PTCH1: variants seen among roughly 807,000 people sequenced by gnomAD.
The protein encoded by PTCH1 is patched 1.
PTCH1 carries 14 observed loss-of-function variants against 144.6 expected under a neutral mutation model. The observed-to-expected ratio is 0.10, with a 90% confidence interval of 0.06 to 0.15. PTCH1 has a LOEUF of 0.15. Ranked by LOEUF, PTCH1 falls within the 10% of genes least tolerant of loss-of-function variation. The probability of loss-of-function intolerance (pLI) is 1.00; values close to 1 mark genes in which losing one functional copy is unlikely to be tolerated. For synonymous variants in PTCH1, 833 were observed against 793.6 expected, an observed-to-expected ratio of 1.05 and a Z score of -0.83; for missense variants, 1,623 against 1,948.3, an observed-to-expected ratio of 0.83 and a Z score of 3.14.
At chr9:95,506,656 ACGCCCGCTTGCGCGCACC>A in intron 1 of PTCH1, 57 bp from the exon 2 acceptor site, 7 of 1,452,890 alleles carry the variant, frequency 4.8e-6, no homozygotes, top group Non-Finnish European at 6.4e-6. Context: ...CCGCGCGCCC[ACGCCCGCTTGCGCGCACC>A]CGCCCGGTGA....
At chr9:95,469,321 ACCTGGTTCATCG>A (rs1221082200) in intron 13 of PTCH1, 168 bp from the exon 14 acceptor site, 7 of 961,884 alleles carry the variant, frequency 7.3e-6, no homozygotes, top group East Asian at 5.2e-5. Flanking sequence ...TGATAACATC[ACCTGGTTCATCG>A]CCTGGTGAAC....
chr9:95,450,040 CA>C, intron 20 of PTCH1, 100 bp from the exon 21 acceptor site: 1 of 1,029,090 alleles, frequency 9.7e-7, no homozygotes, highest in Non-Finnish European at 1.5e-6. Context: ...CAGAAATGAA[CA>C]AAACCCACCC....
chr9:95,507,490 A>C, intron 1 of PTCH1: 1 of 964,336 alleles, frequency 1.0e-6, no homozygotes, highest in Non-Finnish European at 1.2e-6. Context: ...CGCACCGCGA[A>C]TTTAAGGTGG....
At chr9:95,516,881 A>T (rs1844392220) in exon 1 of PTCH1, 2 of 1,435,392 alleles carry the variant, frequency 1.4e-6, no homozygotes, top group African/African-American at 2.9e-5. Flanking sequence ...CACGTGACGG[A>T]TCCGAAAACT....
At chr9:95,490,596 G>A (rs560329179) in intron 2 of PTCH1, among the ~76,000 whole-genome samples, 1 of 149,990 alleles carries the variant, frequency 6.7e-6, no homozygotes, top group Non-Finnish European at 1.5e-5. Flanking sequence ...GTAGAGATAT[G>A]AATTAAAAAC....
chr9:95,507,573 G>C (rs939027540), intron 1 of PTCH1: 3 of 432,628 alleles, frequency 6.9e-6, no homozygotes, highest in African/African-American at 6.4e-5. Context: ...AAAACGGGGG[G>C]GATATCTTTT....
At chr9:95,502,961 G>A (rs1238961533) in intron 2 of PTCH1, among the ~76,000 whole-genome samples, 1 of 152,102 alleles carries the variant, frequency 6.6e-6, no homozygotes, top group East Asian at 1.9e-4. Context: ...AGGATATGCA[G>A]AATAAGACAA....
chr9:95,468,700 G>C (rs1840264071), intron 14 of PTCH1, 51 bp downstream of exon 14: 1 of 1,598,420 alleles, frequency 6.3e-7, no homozygotes, highest in Non-Finnish European at 8.6e-7. Flanking sequence ...AACTCCAAAG[G>C]TTCTGTTATT....
intron 20 of PTCH1, chr9:95,452,547 G>A (rs1170681559): frequency 6.6e-6 from 1 of 152,112 alleles, no homozygotes; most frequent in Admixed American, 6.5e-5. Flanking sequence ...AGAAGCAAGT[G>A]GTTTCCTCCT....
At chr9:95,481,266 T>C (rs1841513829) in intron 5 of PTCH1, among the ~76,000 whole-genome samples, 1 of 152,184 alleles carries the variant, frequency 6.6e-6, no homozygotes, top group Non-Finnish European at 1.5e-5. Flanking sequence ...TTATTTCCCA[T>C]CTAAAACTGT....
intron 16 of PTCH1, among the ~76,000 whole-genome samples, chr9:95,460,852 C>T (rs1173976141): frequency 6.6e-6 from 1 of 152,168 alleles, no homozygotes; most frequent in Non-Finnish European, 1.5e-5. Flanking sequence ...TTCCTGGTGT[C>T]TCTGAGGCAG....
At chr9:95,495,224 T>C (rs1842708210) in intron 2 of PTCH1, 1 of 152,158 alleles carries the variant, frequency 6.6e-6, no homozygotes, top group Admixed American at 6.5e-5. Flanking sequence ...CGGGTCAGCA[T>C]GGTGTGAACT....
Position 95,467,197 on chromosome 9 carries a change from T to C in PTCH1, c.2479A>G (p.Ser827Gly), listed in dbSNP as rs199476092. The C allele has an allele frequency of 2.6e-4, 417 of 1,614,258 alleles. 3 individuals carry two copies. The East Asian group carries it at 8.2e-3, about 32-fold the overall frequency. The change falls in exon 15 of 24, where the codon AGT becomes GGT. Residue 827 changes from serine to glycine, a missense_variant. Physicochemically the swap from Ser to Gly is moderately conservative, Grantham distance 56. Coordinates refer to ENST00000331920, the MANE Select transcript of PTCH1 (RefSeq NM_000264.5). ...HLLYDLHRSF[S>G]NVKYVMLEEN... ...TCCAACATGACATACTTCACGTTACTGAAACTCCTGTGTAGGTCGTAAAGT... is the reference window on the plus strand; with the variant it reads ...TCCAACATGACATACTTCACGTTACCGAAACTCCTGTGTAGGTCGTAAAGT...
chr9:95,516,279 G>A (rs1394861342), intron 1 of PTCH1, among the ~76,000 whole-genome samples: 1 of 146,578 alleles, frequency 6.8e-6, no homozygotes, highest in Admixed American at 6.8e-5. Flanking sequence ...CCGCGCTCCC[G>A]CGCCCAGGCG....
In PTCH1 at chr9:95,508,199, A is replaced by T; in HGVS notation, c.163T>A (p.Tyr55Asn). ...TCCAGAGCGAAGGCGGCGTCGCAGTAGCTGGGCCGGTGCAGATAGTCCCGG... is the reference window on the plus strand; with the variant it reads ...TCCAGAGCGAAGGCGGCGTCGCAGTTGCTGGGCCGGTGCAGATAGTCCCGG... ...PDRDYLHRPSYCDAAFALEQI... is the reference protein window; with the variant it reads ...PDRDYLHRPSNCDAAFALEQI... Residue 55 changes from tyrosine to asparagine, a missense_variant, in exon 1 of 24, where the codon TAC becomes AAC. This residue lies in a region of PTCH1 where 245 missense variants were observed against 240.6 expected (regional missense o/e 1.02). Transcript: ENST00000331920. 1 of 1,612,584 alleles carries T rather than the reference A, an allele frequency of 6.2e-7. No homozygotes were observed. The highest frequency in any genetic ancestry group is 8.5e-7 in the Non-Finnish European group (1 of 1,179,756).
chr9:95,506,279 A>T (rs1052987881), intron 2 of PTCH1, 128 bp downstream of exon 2: 1 of 1,126,396 alleles, frequency 8.9e-7, no homozygotes, highest in African/African-American at 1.6e-5. Flanking sequence ...ACAATAAACA[A>T]TCCCCCGGGT....
At chr9:95,502,727 G>A (rs539945334) in intron 2 of PTCH1, among the ~76,000 whole-genome samples, 2 of 151,884 alleles carry the variant, frequency 1.3e-5, no homozygotes, top group East Asian at 1.9e-4. Context: ...ACACACACGC[G>A]CATGCACACA....
At chr9:95,487,929 TGACA>T (rs2118583806) in intron 2 of PTCH1, among the ~76,000 whole-genome samples, 1 of 152,320 alleles carries the variant, frequency 6.6e-6, no homozygotes, top group East Asian at 1.9e-4. Context: ...GAGCAGTCCA[TGACA>T]GACAGCCTGG....
At chr9:95,455,683 T>C (rs1285921298) in intron 19 of PTCH1, among the ~76,000 whole-genome samples, 2 of 152,318 alleles carry the variant, frequency 1.3e-5, no homozygotes, top group East Asian at 3.9e-4. Context: ...CTGGTTCTCT[T>C]ACTTTCTGCT....
Sources: allele counts gnomAD v4.1 joint callset (sites outside exome capture counted in the v4.1 genomes callset), GRCh38; gene constraint gnomAD v4.1.1; regional missense constraint gnomAD v4.1.1; transcripts MANE v1.5; gene names NCBI Gene and HGNC (gene_info 2026-07-23, HGNC 2026-07-21).